Variants in EPHA5 observed in about 807,000 individuals in gnomAD.
The protein encoded by EPHA5 is EPH receptor A5.
A neutral mutation model predicts 105.0 loss-of-function variants in EPHA5; 60 were observed. The observed-to-expected ratio is 0.57, with a 90% CI of 0.46 to 0.71. The LOEUF (loss-of-function observed/expected upper bound fraction) is 0.71, where lower values mean the gene tolerates loss of function less well. EPHA5 is among the 30% of genes least tolerant of loss of function. The probability of loss-of-function intolerance (pLI) is 0.00; values close to 1 mark genes in which losing one functional copy is unlikely to be tolerated. For synonymous variants in EPHA5, 513 were observed against 449.1 expected (o/e 1.14, Z -1.80); for missense variants, 1,218 against 1,274.7 (o/e 0.96, Z 0.68).
At chr4:65,547,828 A>G (rs1371537706) in intron 3 of EPHA5, among the ~76,000 whole-genome samples, 1 of 152,036 alleles carries the variant, frequency 6.6e-6, no homozygotes, top group Non-Finnish European at 1.5e-5. Flanking sequence ...TTGCATTAGA[A>G]AGTGACCCTG....
chr4:65,561,932 A>AT (rs1393269245), intron 3 of EPHA5, among the ~76,000 whole-genome samples: 2 of 152,240 alleles, frequency 1.3e-5, no homozygotes, highest in Admixed American at 1.3e-4. Context: ...GAGGTCTAAT[A>AT]TTATACACTG....
At chr4:65,496,498 C>A (rs942223986) in intron 3 of EPHA5, among the ~76,000 whole-genome samples, 3 of 150,286 alleles carry the variant, frequency 2.0e-5, no homozygotes, top group South Asian at 4.2e-4. Flanking sequence ...TTTGTTCTTG[C>A]GATAGTTTAC....
intron 1 of EPHA5, among the ~76,000 whole-genome samples, chr4:65,668,705 A>T (rs1750178246): frequency 6.6e-6 from 1 of 152,082 alleles, no homozygotes; most frequent in African/African-American, 2.4e-5. Flanking sequence ...CAGGGACAGT[A>T]TTCTGGGTCT....
At chr4:65,403,273 C>T (rs1409570450) in intron 8 of EPHA5, among the ~76,000 whole-genome samples, 2 of 152,070 alleles carry the variant, frequency 1.3e-5, no homozygotes, top group African/African-American at 2.4e-5. Context: ...TTGAAAAGTG[C>T]CCAATTCTGT....
intron 3 of EPHA5, among the ~76,000 whole-genome samples, chr4:65,517,099 T>G (rs1162627893): frequency 6.6e-6 from 1 of 152,112 alleles, no homozygotes; most frequent in African/African-American, 2.4e-5. Flanking sequence ...ATTTATCTAT[T>G]TCTTCATTAA....
chr4:65,588,455 G>A (rs748919271), intron 3 of EPHA5, among the ~76,000 whole-genome samples: 3 of 152,040 alleles, frequency 2.0e-5, no homozygotes, highest in Non-Finnish European at 2.9e-5. Context: ...AAATAACTAT[G>A]ATCTCCTGAG....
intron 3 of EPHA5, among the ~76,000 whole-genome samples, chr4:65,501,152 A>T (rs1023277890): frequency 1.3e-5 from 2 of 151,482 alleles, no homozygotes; most frequent in Non-Finnish European, 3.0e-5. Context: ...AGGGAATTAA[A>T]ACTCAAAACA....
At chr4:65,542,266 A>G (rs1199637297) in intron 3 of EPHA5, among the ~76,000 whole-genome samples, 1 of 151,964 alleles carries the variant, frequency 6.6e-6, no homozygotes, top group Non-Finnish European at 1.5e-5. Context: ...TAAAGACACA[A>G]CAAACATCAA....
chr4:65,412,695 T>G (rs1222863371), intron 7 of EPHA5, among the ~76,000 whole-genome samples: 1 of 152,102 alleles, frequency 6.6e-6, no homozygotes, highest in Non-Finnish European at 1.5e-5. Context: ...GTTTTAAAAG[T>G]AGCTTATTTC....
intron 2 of EPHA5, among the ~76,000 whole-genome samples, chr4:65,622,530 C>T (rs1745792624): frequency 6.6e-6 from 1 of 152,048 alleles, no homozygotes; most frequent in African/African-American, 2.4e-5. Context: ...TTCACTAATT[C>T]TTTAAAAACT....
intron 1 of EPHA5, among the ~76,000 whole-genome samples, chr4:65,665,770 A>T (rs1749914723): frequency 1.3e-5 from 2 of 152,206 alleles, no homozygotes; most frequent in South Asian, 2.1e-4. Flanking sequence ...CTACCTCAAA[A>T]GGAGCTTAAA....
chr4:65,427,414 C>T (rs1323623866), intron 5 of EPHA5, among the ~76,000 whole-genome samples: 5 of 152,044 alleles, frequency 3.3e-5, no homozygotes, highest in Non-Finnish European at 4.4e-5. Context: ...GACTCCTGAC[C>T]TCATGATCCA....
rs534073698 is a variant in EPHA5 at position 65,323,514 on chromosome 4, T to C, written c.*600A>G. ...AACTTTATAACACAAAAAATAAATA[T>C]ACACCCTGTATTGTACTTTTTCTTG... On this transcript the variant is annotated 3_prime_UTR_variant, in exon 17 of 17. Coordinates refer to ENST00000613740, the MANE Select transcript of EPHA5 (RefSeq NM_001281766.3). 14 of 230,022 alleles carry C rather than the reference T, an allele frequency of 6.1e-5. No individual in the cohort carries two copies. The highest frequency in any genetic ancestry group is 1.2e-4 in the Non-Finnish European group (14 of 116,068). 14.2% of individuals were successfully genotyped at this position (230,022 alleles called of 1,614,324 possible).
chr4:65,528,870 G>T (rs769007617), intron 3 of EPHA5, among the ~76,000 whole-genome samples: 5 of 152,038 alleles, frequency 3.3e-5, no homozygotes, highest in Non-Finnish European at 5.9e-5. Flanking sequence ...TACTGTCAAG[G>T]CTGACACAGC....
intron 14 of EPHA5, among the ~76,000 whole-genome samples, chr4:65,346,747 A>T (rs752243213): frequency 6.6e-6 from 1 of 152,178 alleles, no homozygotes; most frequent in Non-Finnish European, 1.5e-5. Context: ...AATGGCTAAC[A>T]TCCAGAATCT....
intron 5 of EPHA5, among the ~76,000 whole-genome samples, chr4:65,447,595 C>T (rs1726673175): frequency 6.6e-6 from 1 of 151,800 alleles, no homozygotes; most frequent in Non-Finnish European, 1.5e-5. Context: ...AATCTTACTA[C>T]TATTTTTGCT....
chr4:65,429,081 A>AGTCC (rs1724731394), intron 5 of EPHA5, among the ~76,000 whole-genome samples: 1 of 152,026 alleles, frequency 6.6e-6, no homozygotes, highest in East Asian at 1.9e-4. Context: ...ATACACGAAG[A>AGTCC]GTCCTAAGTG....
chr4:65,490,822 CT>C lies in EPHA5; in HGVS notation c.1067-111del, dbSNP rs1325259053. 11 of 1,118,626 alleles carry C rather than the reference CT, an allele frequency of 9.8e-6. No individual in the cohort carries two copies. In the African/African-American group the frequency reaches 1.3e-4, roughly 13 times the overall value. The allele number at this position is 1,118,626 out of a possible 1,614,324, so 69.3% of individuals were successfully genotyped here. On this transcript the variant is annotated intron_variant, in intron 4 of 16. Coordinates refer to ENST00000613740, the MANE Select transcript of EPHA5 (RefSeq NM_001281766.3). Reference sequence around the variant, plus strand: ...GGAAAAAATAGATTTGCAATAAGTCCTTTAAGTCATAATTTGTAGTTTTGTT... The same window carrying C: ...GGAAAAAATAGATTTGCAATAAGTCCTTAAGTCATAATTTGTAGTTTTGTT...
At chr4:65,352,787 A>ATTT (rs3838635) in intron 12 of EPHA5, among the ~76,000 whole-genome samples, 2 of 146,116 alleles carry the variant, frequency 1.4e-5, no homozygotes, top group East Asian at 2.0e-4. Context: ...ACTTCTCTGC[A>ATTT]TTTTTTTTTT....
Sources: allele counts gnomAD v4.1 joint callset (sites outside exome capture counted in the v4.1 genomes callset), GRCh38; gene constraint gnomAD v4.1.1; transcripts MANE v1.5; gene names NCBI Gene and HGNC (gene_info 2026-07-23, HGNC 2026-07-21).